The following P3H2 variants were observed in gnomAD, a reference collection of about 807,000 sequenced individuals.
The protein encoded by P3H2 is prolyl 3-hydroxylase 2, also known as leprecan-like 1.
P3H2 carries 80 observed loss-of-function variants against 87.0 expected under a neutral mutation model. The ratio of observed to expected loss-of-function variants is 0.92; its 90% CI spans 0.77 to 1.11. The LOEUF (loss-of-function observed/expected upper bound fraction) is 1.11, where lower values mean the gene tolerates loss of function less well. Ranked by LOEUF, P3H2 falls within the 50% of genes least tolerant of loss-of-function variation. The probability of loss-of-function intolerance (pLI) is 0.00; values close to 1 mark genes in which losing one functional copy is unlikely to be tolerated. For missense variants in P3H2, 1,001 were observed against 923.9 expected (o/e 1.08, Z -1.08); for synonymous variants, 367 against 359.3 (o/e 1.02, Z -0.24).
intron 1 of P3H2, among the ~76,000 whole-genome samples, chr3:190,016,723 T>A (rs973819810): frequency 6.6e-6 from 1 of 152,090 alleles, no homozygotes; most frequent in African/African-American, 2.4e-5. Flanking sequence ...TTCTTAAGAG[T>A]CATCTGGCCA....
At chr3:190,018,913 A>G (rs980711861) in intron 1 of P3H2, among the ~76,000 whole-genome samples, 2 of 152,194 alleles carry the variant, frequency 1.3e-5, no homozygotes, top group Non-Finnish European at 2.9e-5. Flanking sequence ...TAATACAGCC[A>G]TCGGCAAACT....
chr3:189,973,543 C>G (rs1291164977), intron 10 of P3H2, among the ~76,000 whole-genome samples: 1 of 81,904 alleles, frequency 1.2e-5, no homozygotes, highest in African/African-American at 5.0e-5. Flanking sequence ...TTTTTTAAGA[C>G]GGAGTCTCGC....
rs143624549 is a variant in P3H2 at position 189,981,574 on chromosome 3, C to T, written c.1324+1472G>A. 4.6e-3 allele frequency among the ~76,000 whole-genome samples: 707 copies of T among 152,218 alleles called. 3 individuals are homozygous for T. Among genetic ancestry groups the T allele is most frequent in the Middle Eastern group, 0.02 (6 of 294 alleles). ...ATTAGCCACTTCGTCCTAGACAATT[C>T]TGTGGAAATGGTAGATTTGTGTAGC... On this transcript the variant is annotated intron_variant, in intron 8 of 14. Transcript: ENST00000319332.
chr3:190,119,143 A>G (rs1339301404), intron 1 of P3H2, among the ~76,000 whole-genome samples: 1 of 12,964 alleles, frequency 7.7e-5, no homozygotes, highest in Non-Finnish European at 1.5e-4. Flanking sequence ...AGGAGAGGGG[A>G]GGGGAGGGGA....
At chr3:190,121,000 C>T, upstream of P3H2, 3 of 493,070 alleles carry the variant, frequency 6.1e-6, no homozygotes, top group Non-Finnish European at 1.0e-5. Flanking sequence ...CTCCCCGCTG[C>T]AGCGGCGGGG....
At chr3:190,004,034 G>A (rs970929105) in intron 1 of P3H2, among the ~76,000 whole-genome samples, 65 of 152,154 alleles carry the variant, frequency 4.3e-4, no homozygotes. Flanking sequence ...TCTAGTTCAT[G>A]TCAGATTTTG....
chr3:190,080,951 G>T (rs75296762), intron 1 of P3H2, among the ~76,000 whole-genome samples: 1,786 of 152,274 alleles, frequency 0.012, 39 homozygotes, highest in African/African-American at 0.04. Context: ...TACTTCCAAA[G>T]AAGTTCAGAG....
chr3:190,013,052 C>T (rs927699945), intron 1 of P3H2, among the ~76,000 whole-genome samples: 5 of 152,294 alleles, frequency 3.3e-5, no homozygotes, highest in East Asian at 3.9e-4. Flanking sequence ...TGGTTGTTCA[C>T]GCATCAAACA....
At chr3:189,983,241 A>G in intron 7 of P3H2, 101 bp from the exon 8 acceptor site, 3 of 855,888 alleles carry the variant, frequency 3.5e-6, no homozygotes, top group Non-Finnish European at 5.8e-6. Context: ...TATATTGTGT[A>G]TTTTATTGTA....
chr3:189,966,045 AAAG>A (rs1722967066), intron 13 of P3H2, among the ~76,000 whole-genome samples: 1 of 139,446 alleles, frequency 7.2e-6, no homozygotes, highest in African/African-American at 3.1e-5. Context: ...GAAAGAAAGA[AAAG>A]AAAGAAAGAA....
At chr3:190,055,524 CT>C (rs10553359) in intron 1 of P3H2, among the ~76,000 whole-genome samples, 87,206 of 121,216 alleles carry the variant, frequency 0.72, 27,050 homozygotes, top group Admixed American at 0.78. Context: ...ATACAGAGTG[CT>C]TTTTTTTTTT....
intron 1 of P3H2, among the ~76,000 whole-genome samples, chr3:190,115,732 A>G (rs944990289): frequency 1.3e-5 from 2 of 152,324 alleles, no homozygotes; most frequent in African/African-American, 4.8e-5. Flanking sequence ...CCAAACAACT[A>G]AAGTGAGAAA....
chr3:190,079,811 C>A (rs1346710326), intron 1 of P3H2, among the ~76,000 whole-genome samples: 1 of 152,212 alleles, frequency 6.6e-6, no homozygotes, highest in Non-Finnish European at 1.5e-5. Flanking sequence ...ACTTTAAATA[C>A]TGGCTATCAT....
intron 1 of P3H2, among the ~76,000 whole-genome samples, chr3:190,017,027 T>C (rs548797580): frequency 5.9e-5 from 9 of 152,368 alleles, no homozygotes; most frequent in African/African-American, 1.4e-4. Flanking sequence ...TGTTCTTCTA[T>C]GAATGTTTTT....
intron 1 of P3H2, among the ~76,000 whole-genome samples, chr3:190,104,171 C>T (rs1711740641): frequency 6.6e-6 from 1 of 152,038 alleles, no homozygotes. Context: ...AAATTATATT[C>T]ATCATCATCA....
Position 189,956,788 on chromosome 3 carries a change from A to C in P3H2, c.*1124T>G. ...ACAAGCACAAATCTGTGTGCTGGATAGCAGCAATGAGGAGGGGCCCCCAAA... is the reference window on the plus strand; with the variant it reads ...ACAAGCACAAATCTGTGTGCTGGATCGCAGCAATGAGGAGGGGCCCCCAAA... On this transcript the variant is annotated 3_prime_UTR_variant, in exon 15 of 15. Coordinates refer to ENST00000319332, the MANE Select transcript of P3H2 (RefSeq NM_018192.4). The C allele has an allele frequency of 4.5e-6, 1 of 223,106 alleles. No individual in the cohort carries two copies. The allele number at this position is 223,106 out of a possible 1,614,324, so 13.8% of individuals were successfully genotyped here.
At chr3:189,968,802 T>C (rs1012365086) in intron 13 of P3H2, among the ~76,000 whole-genome samples, 2 of 152,230 alleles carry the variant, frequency 1.3e-5, no homozygotes, top group African/African-American at 4.8e-5. Flanking sequence ...TGGCGTGAGA[T>C]GGTATCTCAT....
At chr3:190,097,903 T>TA (rs1727637324) in intron 1 of P3H2, among the ~76,000 whole-genome samples, 1 of 152,228 alleles carries the variant, frequency 6.6e-6, no homozygotes, top group South Asian at 2.1e-4. Context: ...ATATGCTCTC[T>TA]GTGTCTGCAC....
intron 1 of P3H2, among the ~76,000 whole-genome samples, chr3:190,014,028 A>G (rs1724676012): frequency 6.6e-6 from 1 of 152,116 alleles, no homozygotes; most frequent in African/African-American, 2.4e-5. Context: ...AGAAAAAAAA[A>G]TTTGGTGGCA....
Sources: gnomAD v4.1 joint callset for allele counts (sites outside exome capture counted in the v4.1 genomes callset) on GRCh38, gnomAD v4.1.1 for gene constraint, MANE v1.5 for transcripts, NCBI Gene and HGNC (gene_info 2026-07-23, HGNC 2026-07-21) for gene names.